The following HHATL variants were observed in gnomAD, a reference collection of about 807,000 sequenced individuals.
HHATL encodes protein-cysteine N-palmitoyltransferase HHAT-like protein.
A neutral mutation model predicts 59.7 loss-of-function variants in HHATL; 49 were observed. That is an observed-to-expected ratio of 0.82 (90% CI 0.65 to 1.04). HHATL has a LOEUF of 1.04. HHATL is among the 50% of genes least tolerant of loss of function. The probability of loss-of-function intolerance (pLI) is 0.00; values close to 1 mark genes in which losing one functional copy is unlikely to be tolerated. For missense variants in HHATL, 605 were observed against 650.8 expected, an observed-to-expected ratio of 0.93 and a Z score of 0.77; for synonymous variants, 238 against 257.3, an observed-to-expected ratio of 0.93 and a Z score of 0.72.
At chr3:42,693,288 G>C in intron 10 of HHATL, 70 bp from the exon 11 acceptor site, 1 of 1,574,140 alleles carries the variant, frequency 6.4e-7, no homozygotes. Context: ...TGGGTCAGCA[G>C]CCTTACCCAC....
rs187581969 is a variant in HHATL, at chr3:42,699,833, C to G, written c.107-8G>C. 17 of 1,556,296 alleles carry G rather than the reference C, an allele frequency of 1.1e-5. No homozygotes were observed. The African/African-American group carries it at 1.9e-4, about 17-fold the overall frequency. On this transcript the variant is annotated splice_polypyrimidine_tract_variant and splice_region_variant and intron_variant, in intron 2 of 11. Coordinates refer to ENST00000441594, the MANE Select transcript of HHATL (RefSeq NM_020707.4). ...CCTTCCTGTGGGCCCCATCTGAGAA[C>G]AGAGTGTGGCCTCAGGGAGAGGGGC...
intron 9 of HHATL, among the ~76,000 whole-genome samples, chr3:42,694,960 A>G (rs745919897): frequency 4.6e-5 from 7 of 152,194 alleles, no homozygotes; most frequent in Non-Finnish European, 1.0e-4. Flanking sequence ...TGTAAGCTCC[A>G]TGAGTTCAGG....
Position 42,697,089 on chromosome 3 carries a change from C to A in HHATL, c.922G>T (p.Gly308Cys). The change falls in exon 8 of 12, where the codon GGT becomes TGT. Residue 308 changes from glycine (G) to cysteine (C), a missense_variant. Coordinates refer to ENST00000441594, the MANE Select transcript of HHATL (RefSeq NM_020707.4). ...AGGCATGCCACAGTGTTGACAACACCAAAGAGGACGGCCGCCTTCACCCAG... is the reference window on the plus strand; with the variant it reads ...AGGCATGCCACAGTGTTGACAACACAAAAGAGGACGGCCGCCTTCACCCAG... ...YDWVKAAVLF[G>C]VVNTVACLDH... The A allele has an allele frequency of 6.4e-7, 1 of 1,570,116 alleles. No individual in the cohort carries two copies. Among genetic ancestry groups the A allele is most frequent in the South Asian group, 1.2e-5 (1 of 83,568 alleles).
chr3:42,699,717 G>A (rs1441236310), intron 3 of HHATL, 41 bp downstream of exon 3: 2 of 1,510,634 alleles, frequency 1.3e-6, no homozygotes, highest in Non-Finnish European at 1.8e-6. Context: ...GAGCAGAGAA[G>A]GGTTCGGGAT....
chr3:42,693,715 C>A lies in HHATL; in HGVS notation c.1150G>T (p.Asp384Tyr), dbSNP rs141757802. 5.7e-4 allele frequency: 918 copies of A among 1,614,210 alleles called. No homozygotes were observed. Among genetic ancestry groups the A allele is most frequent in the Non-Finnish European group, 6.8e-4 (807 of 1,180,030 alleles). Reference protein sequence around the residue: ...AITTLWLGPCDIVYLWSFLNC... With the variant: ...AITTLWLGPCYIVYLWSFLNC... ...AGGAATGACCACAGGTAGACAATGT[C>A]ACAAGGCCCAAGCCACAGTGTGGTG... The change falls in exon 10 of 12, where the codon GAC (aspartate) becomes TAC (tyrosine). Residue 384 changes from aspartate (D) to tyrosine (Y), a missense_variant. Transcript: ENST00000441594.
At position 42,698,329 on chromosome 3, in the gene HHATL, A is replaced by G. The variant is rs1697743695; in HGVS notation, c.506T>C (p.Phe169Ser). 7 of 1,612,594 alleles carry G rather than the reference A, an allele frequency of 4.3e-6. No individual in the cohort carries two copies. Among genetic ancestry groups the G allele is most frequent in the Admixed American group, 1.7e-5 (1 of 59,974 alleles). ...ATGAAACAGCACCTCTTGAAGATCAAAAGTGCCTGTTACAAACCCGCTCTG... is the reference window on the plus strand; with the variant it reads ...ATGAAACAGCACCTCTTGAAGATCAGAAGTGCCTGTTACAAACCCGCTCTG... Reference protein sequence around the residue: ...SWQSGFVTGTFDLQEVLFHGG... With the variant: ...SWQSGFVTGTSDLQEVLFHGG... Residue 169 changes from phenylalanine to serine, a missense_variant, in exon 6 of 12, where the codon TTT becomes TCT. By Grantham distance (155) the Phe-to-Ser change is radical. Coordinates refer to ENST00000441594, the MANE Select transcript of HHATL (RefSeq NM_020707.4).
intron 9 of HHATL, among the ~76,000 whole-genome samples, chr3:42,695,827 C>T (rs1375009987): frequency 6.6e-6 from 1 of 151,324 alleles, no homozygotes; most frequent in African/African-American, 2.4e-5. Flanking sequence ...GAACTAGACA[C>T]CCTCACCTCC....
chr3:42,699,855 G>A (rs781459889), intron 2 of HHATL, 30 bp from the exon 3 acceptor site: 4 of 1,534,668 alleles, frequency 2.6e-6, no homozygotes, highest in Non-Finnish European at 2.6e-6. Context: ...TCAGGGAGAG[G>A]GGCCTTCACA....
rs753501903 is a variant in HHATL, at chr3:42,700,705, G to A, written c.106+16C>T. 19 of 1,577,582 alleles carry A rather than the reference G, an allele frequency of 1.2e-5. No homozygotes were observed. The highest frequency in any genetic ancestry group is 4.5e-5 in the East Asian group (2 of 44,640). On this transcript the variant is annotated intron_variant, in intron 2 of 11. Transcript: ENST00000441594. ...AAGAAGGGTCCTGTCCACCTGCCCC[G>A]GGGCACAGCCATTACCTTGTGAAGC...
chr3:42,699,695 T>C, intron 3 of HHATL, 63 bp downstream of exon 3: 1 of 1,397,758 alleles, frequency 7.2e-7, no homozygotes, highest in African/African-American at 1.4e-5. Context: ...TGCCAACATC[T>C]GGAACAGCAG....
intron 4 of HHATL, 44 bp from the exon 5 acceptor site, chr3:42,698,946 G>C (rs752832993): frequency 6.2e-7 from 1 of 1,605,008 alleles, no homozygotes; most frequent in Non-Finnish European, 8.5e-7. Flanking sequence ...ATAAATGGGG[G>C]CGTGACCCCA....
chr3:42,700,220 TTGTG>T (rs1159497030), intron 2 of HHATL, among the ~76,000 whole-genome samples: 12 of 80,366 alleles, frequency 1.5e-4, no homozygotes, highest in African/African-American at 5.5e-4. Context: ...GTCTGTGTGT[TTGTG>T]TGTGTGTCTG....
chr3:42,694,931 C>T (rs1697539653), intron 9 of HHATL, among the ~76,000 whole-genome samples: 1 of 152,222 alleles, frequency 6.6e-6, no homozygotes, highest in South Asian at 2.1e-4. Flanking sequence ...TGTTTATGGT[C>T]TGTTTCTCCC....
intron 9 of HHATL, among the ~76,000 whole-genome samples, chr3:42,694,904 A>C (rs924924925): frequency 4.4e-4 from 67 of 152,110 alleles, no homozygotes; most frequent in African/African-American, 1.6e-3. Context: ...AAATTATCTT[A>C]TTTATGTTTG....
At chr3:42,699,932 G>A in intron 2 of HHATL, 107 bp from the exon 3 acceptor site, 1 of 836,616 alleles carries the variant, frequency 1.2e-6, no homozygotes, top group Non-Finnish European at 1.9e-6. Context: ...ATCAGGAACG[G>A]GGCACGGGTC....
At chr3:42,699,920 G>GC in intron 2 of HHATL, 95 bp from the exon 3 acceptor site, 1 of 1,000,216 alleles carries the variant, frequency 1.0e-6, no homozygotes, top group South Asian at 1.5e-5. Flanking sequence ...GGGAGCGAGG[G>GC]CATCAGGAAC....
intron 3 of HHATL, 66 bp downstream of exon 3, chr3:42,699,692 A>G: frequency 7.2e-7 from 1 of 1,382,176 alleles, no homozygotes; most frequent in East Asian, 2.5e-5. Context: ...ACTTGCCAAC[A>G]TCTGGAACAG....
chr3:42,698,805 AG>A lies in HHATL; in HGVS notation c.385del (p.Leu129SerfsTer29). On this transcript the variant is annotated frameshift_variant, in exon 5 of 12. Coordinates refer to ENST00000441594, the MANE Select transcript of HHATL (RefSeq NM_020707.4). LOFTEE classifies it high-confidence loss of function. Reference protein sequence around the residue: ...LLLLLGHCVGLYVASLLGQPW... With the variant: ...LLLLLGHCVGXYVASLLGQPW... ...CTGGCCCAAAAGCGAGGCCACATAG[AG>A]GCCCACACAGTGACCAAGCAGCAGC... 2.5e-6 allele frequency: 4 copies of A among 1,613,752 alleles called. No individual in the cohort carries two copies. Among genetic ancestry groups the A allele is most frequent in the Non-Finnish European group, 3.4e-6 (4 of 1,179,898 alleles).
chr3:42,693,132 C>T lies in HHATL; in HGVS notation c.1335G>A (p.Val445=), dbSNP rs1355330520. 5.0e-6 allele frequency: 8 copies of T among 1,614,044 alleles called. No individual in the cohort carries two copies. The highest frequency in any genetic ancestry group is 1.3e-5 in the African/African-American group (1 of 74,908). Residue 445 remains valine (V), a synonymous_variant, in exon 11 of 12, where the codon GTG becomes GTA. Transcript: ENST00000441594. ...NFWAIIMYNL[V]SLNSLKFTEL... ...CTGTGAATTTGAGGCTGTTCAGGCT[C>T]ACAAGGTTGTACATGATGATGGCCC...
Sources: allele counts gnomAD v4.1 joint callset (sites outside exome capture counted in the v4.1 genomes callset), GRCh38; gene constraint gnomAD v4.1.1; transcripts MANE v1.5; gene names NCBI Gene and HGNC (gene_info 2026-07-23, HGNC 2026-07-21).